The following SPAG16 variants were observed in gnomAD, a reference collection of about 807,000 sequenced individuals.
SPAG16 encodes the protein sperm-associated antigen 16 protein.
In SPAG16, 86 loss-of-function variants were observed where a neutral mutation model predicts 80.4. That is an observed-to-expected ratio of 1.07 (90% CI 0.90 to 1.28). SPAG16 has a LOEUF of 1.28. Ranked by LOEUF, SPAG16 falls within the 50% of genes most tolerant of loss-of-function variation. The pLI, the probability that SPAG16 is intolerant of heterozygous loss-of-function variation, is 0.00. For synonymous variants in SPAG16, 294 were observed against 265.9 expected (o/e 1.11, Z -1.03); for missense variants, 870 against 765.3 (o/e 1.14, Z -1.61).
chr2:214,181,607 C>T (rs966595726), intron 15 of SPAG16, among the ~76,000 whole-genome samples: 4 of 151,790 alleles, frequency 2.6e-5, no homozygotes, highest in East Asian at 1.9e-4. Context: ...GGCCGTCTCT[C>T]TCTAAATCCT....
At chr2:213,426,511 C>G (rs973825270) in intron 9 of SPAG16, among the ~76,000 whole-genome samples, 1 of 151,700 alleles carries the variant, frequency 6.6e-6, no homozygotes, top group Non-Finnish European at 1.5e-5. Flanking sequence ...GTTCATTTTT[C>G]AACAATCCAA....
intron 11 of SPAG16, among the ~76,000 whole-genome samples, chr2:213,910,665 G>T (rs6435803): frequency 0.82 from 65,491 of 79,768 alleles, 30,461 homozygotes; most frequent in Non-Finnish European, 0.99. Flanking sequence ...ATTTTTTGTA[G>T]TTTTAGTAGA....
intron 10 of SPAG16, among the ~76,000 whole-genome samples, chr2:213,860,460 C>CTAT (rs2075395170): frequency 7.6e-6 from 1 of 131,598 alleles, no homozygotes; most frequent in East Asian, 2.1e-4. Flanking sequence ...TATATATATA[C>CTAT]AGATATATCT....
chr2:213,732,496 T>A (rs1355602713), intron 10 of SPAG16, among the ~76,000 whole-genome samples: 1 of 152,224 alleles, frequency 6.6e-6, no homozygotes, highest in Non-Finnish European at 1.5e-5. Context: ...TGAGATTGCA[T>A]AGTGTGATGC....
At chr2:213,581,410 G>A (rs909116138) in intron 10 of SPAG16, among the ~76,000 whole-genome samples, 1 of 151,936 alleles carries the variant, frequency 6.6e-6, no homozygotes, top group Non-Finnish European at 1.5e-5. Flanking sequence ...GTAGAGACAG[G>A]GTCTTGCTAT....
chr2:213,321,851 C>T (rs1423250260), intron 5 of SPAG16, among the ~76,000 whole-genome samples: 1 of 151,854 alleles, frequency 6.6e-6, no homozygotes, highest in Non-Finnish European at 1.5e-5. Context: ...AAGTATTTCC[C>T]ATACTGGATA....
chr2:213,838,321 G>A (rs565626656), intron 10 of SPAG16, among the ~76,000 whole-genome samples: 78 of 152,118 alleles, frequency 5.1e-4, no homozygotes, highest in African/African-American at 1.7e-3. Context: ...ATAGGCATGC[G>A]CCACCACTCC....
chr2:213,558,466 A>G (rs918941956), intron 10 of SPAG16, among the ~76,000 whole-genome samples: 4 of 132,356 alleles, frequency 3.0e-5, no homozygotes, highest in African/African-American at 6.0e-5. Flanking sequence ...TATTTATTAC[A>G]TGAGAATTTT....
At position 213,761,322 on chromosome 2, in the gene SPAG16, A is replaced by C. The variant is rs75781042; in HGVS notation, c.1071-101163A>C. Among the ~76,000 whole-genome samples, 408 of 152,318 alleles carry C rather than the reference A, an allele frequency of 2.7e-3. 2 individuals are homozygous for C. Among genetic ancestry groups the C allele is most frequent in the African/African-American group, 9.2e-3 (382 of 41,564 alleles). On this transcript the variant is annotated intron_variant, in intron 10 of 15. Coordinates refer to ENST00000331683, the MANE Select transcript of SPAG16 (RefSeq NM_024532.5). ...TATAAGTTCTTAAAGATCTCAAGTC[A>C]ACAACCTAGCTTTACAATGTATGGA...
At chr2:213,877,915 A>G (rs4673766) in intron 11 of SPAG16, among the ~76,000 whole-genome samples, 1 of 151,832 alleles carries the variant, frequency 6.6e-6, no homozygotes, top group Non-Finnish European at 1.5e-5. Context: ...CACTGTCACT[A>G]TCTGTTATTT....
intron 12 of SPAG16, among the ~76,000 whole-genome samples, chr2:214,012,895 C>T (rs2047384659): frequency 6.6e-6 from 1 of 152,164 alleles, no homozygotes; most frequent in Non-Finnish European, 1.5e-5. Context: ...ATCAGAATCA[C>T]TTGAAGAGCT....
intron 15 of SPAG16, among the ~76,000 whole-genome samples, chr2:214,226,359 C>T (rs1456886877): frequency 6.6e-6 from 1 of 151,990 alleles, no homozygotes; most frequent in Non-Finnish European, 1.5e-5. Flanking sequence ...TCCTATTGGC[C>T]AAATCAAGTC....
chr2:213,373,422 G>A (rs954074595), intron 8 of SPAG16, among the ~76,000 whole-genome samples: 5 of 152,040 alleles, frequency 3.3e-5, no homozygotes, highest in Middle Eastern at 3.4e-3. Flanking sequence ...TTATTCCTAA[G>A]TTTTGGTTTT....
At chr2:213,627,375 A>G (rs1254590367) in intron 10 of SPAG16, among the ~76,000 whole-genome samples, 4 of 152,238 alleles carry the variant, frequency 2.6e-5, no homozygotes, top group Non-Finnish European at 2.9e-5. Context: ...ACTGATTATT[A>G]TTAAACTACA....
At chr2:214,067,753 T>C (rs2050600069) in intron 13 of SPAG16, among the ~76,000 whole-genome samples, 1 of 152,142 alleles carries the variant, frequency 6.6e-6, no homozygotes, top group Non-Finnish European at 1.5e-5. Context: ...TGTTGAAATA[T>C]TATTTTCATG....
chr2:213,468,905 T>A (rs1026052261), intron 9 of SPAG16, among the ~76,000 whole-genome samples: 14 of 151,996 alleles, frequency 9.2e-5, no homozygotes, highest in African/African-American at 3.1e-4. Flanking sequence ...GCATTCAGCA[T>A]AGGAGAAAGA....
intron 10 of SPAG16, among the ~76,000 whole-genome samples, chr2:213,768,745 T>A (rs1379718034): frequency 6.6e-5 from 10 of 152,156 alleles, no homozygotes; most frequent in Non-Finnish European, 1.5e-5. Flanking sequence ...AGGAGAAAGA[T>A]CTGAGTTGTG....
At chr2:213,289,600 T>C (rs2062190598) in intron 1 of SPAG16, among the ~76,000 whole-genome samples, 1 of 152,224 alleles carries the variant, frequency 6.6e-6, no homozygotes, top group East Asian at 1.9e-4. Flanking sequence ...TTAACTTATT[T>C]AAACTGGCCT....
intron 11 of SPAG16, among the ~76,000 whole-genome samples, chr2:213,895,028 C>T (rs1171419471): frequency 7.7e-6 from 1 of 130,420 alleles, no homozygotes; most frequent in Non-Finnish European, 1.6e-5. Context: ...AACTGAAAGA[C>T]TCTACCAAAA....
Sources: allele counts gnomAD v4.1 joint callset (sites outside exome capture counted in the v4.1 genomes callset), GRCh38; gene constraint gnomAD v4.1.1; transcripts MANE v1.5; gene names NCBI Gene and HGNC (gene_info 2026-07-23, HGNC 2026-07-21).